PCDH11X: variants seen among roughly 807,000 people sequenced by gnomAD.
PCDH11X encodes the protein protocadherin-11 X-linked.
A neutral mutation model predicts 53.3 loss-of-function variants in PCDH11X; 18 were observed. The observed-to-expected ratio is 0.34, with a 90% CI of 0.23 to 0.50. The LOEUF (loss-of-function observed/expected upper bound fraction) is 0.50. Among genes scored for constraint, PCDH11X ranks in the 20% least tolerant of loss-of-function variants. The pLI is 0.98. For synonymous variants in PCDH11X, 279 were observed against 393.3 expected, an observed-to-expected ratio of 0.71 and a Z score of 3.44; for missense variants, 570 against 1,032.4, an observed-to-expected ratio of 0.55 and a Z score of 6.14.
intron 1 of PCDH11X, among the ~76,000 whole-genome samples, chrX:91,801,834 A>G (rs1210286252): frequency 8.9e-6 from 1 of 112,270 alleles, no homozygotes; most frequent in Non-Finnish European, 1.9e-5. Flanking sequence ...AGATGACAGT[A>G]TATGTGAAAG....
At position 91,835,480 on chromosome X, in the gene PCDH11X, A is replaced by G. The variant is rs186251588; in HGVS notation, c.-25A>G. The G allele has an allele frequency of 4.8e-4, 579 of 1,208,925 alleles. 2 individuals carry two copies. In the African/African-American group the frequency reaches 8.9e-3, roughly 19 times the overall value. ...GGTCAGTGTTGTGCGGGTTAATACA[A>G]CAAACTGTAACAAGTGTACCTGGTA... On this transcript the variant is annotated 5_prime_UTR_variant, in exon 5 of 11. Transcript: ENST00000682573.
intron 10 of PCDH11X, among the ~76,000 whole-genome samples, chrX:92,595,083 A>G (rs1157187677): frequency 9.1e-6 from 1 of 110,343 alleles, no homozygotes; most frequent in African/African-American, 3.3e-5. Context: ...AAAATTGGAG[A>G]CACTGGTTAT....
At chrX:92,061,316 G>A (rs751695395) in intron 6 of PCDH11X, among the ~76,000 whole-genome samples, 17 of 111,848 alleles carry the variant, frequency 1.5e-4, no homozygotes, top group Non-Finnish European at 2.4e-4. Flanking sequence ...TTTTTGCTGT[G>A]TAGGAGTTCT....
intron 6 of PCDH11X, among the ~76,000 whole-genome samples, chrX:92,086,903 G>A (rs975733941): frequency 9.2e-6 from 1 of 108,946 alleles, no homozygotes; most frequent in Non-Finnish European, 1.9e-5. Flanking sequence ...TAAGCAAATT[G>A]CAATTGGAAG....
chrX:92,282,231 G>T (rs751367629), intron 8 of PCDH11X, among the ~76,000 whole-genome samples: 2 of 111,304 alleles, frequency 1.8e-5, no homozygotes, highest in South Asian at 7.4e-4. Flanking sequence ...GCTAATAAAT[G>T]ACTAAGTTAG....
chrX:92,225,700 A>AT, intron 7 of PCDH11X, among the ~76,000 whole-genome samples: 1 of 111,352 alleles, frequency 9.0e-6, no homozygotes, highest in South Asian at 3.7e-4. Flanking sequence ...TAAGAAAATA[A>AT]ATAAAGCACA....
At chrX:91,780,399 A>AT (rs1161694403) in intron 1 of PCDH11X, among the ~76,000 whole-genome samples, 1 of 112,252 alleles carries the variant, frequency 8.9e-6, no homozygotes, top group Non-Finnish European at 1.9e-5. Flanking sequence ...AATACTGCCT[A>AT]TTTTTTAAAA....
At chrX:92,134,664 C>T (rs1356978446) in intron 6 of PCDH11X, among the ~76,000 whole-genome samples, 3 of 110,910 alleles carry the variant, frequency 2.7e-5, no homozygotes, top group Non-Finnish European at 5.7e-5. Context: ...ACTCCATAGA[C>T]ATTTTTATGG....
chrX:91,903,688 T>TGTGTGC (rs1282040534), intron 6 of PCDH11X, among the ~76,000 whole-genome samples: 2 of 107,694 alleles, frequency 1.9e-5, no homozygotes, highest in East Asian at 5.8e-4. Flanking sequence ...TGTGTGTGTG[T>TGTGTGC]GCGTGTATAA....
rs771737317 is a variant in PCDH11X, at chrX:92,227,623, A to G, written c.3114+26168A>G. The stretch of plus-strand genomic sequence containing the variant: ...TTTACAAAATGTTATCTACAATTCA[A>G]TTTGTTATATTTCTGTGTTTCTATT... On this transcript the variant is annotated intron_variant, in intron 7 of 10. Transcript: ENST00000682573. Among the ~76,000 whole-genome samples, 17 of 111,430 alleles carry G rather than the reference A, an allele frequency of 1.5e-4. 1 individual carries two copies. Among genetic ancestry groups the G allele is most frequent in the Middle Eastern group, 9.3e-3 (2 of 216 alleles).
At position 92,488,771 on chromosome X, in the gene PCDH11X, C is replaced by T. The variant is rs199989050; in HGVS notation, c.3367+20449C>T. 4.2e-3 allele frequency among the ~76,000 whole-genome samples: 370 copies of T among 88,731 alleles called. 7 individuals carry two copies. In the South Asian group the frequency reaches 0.057, roughly 14 times the overall value. 77.1% of individuals were successfully genotyped at this position (88,731 alleles called of 115,157 possible). A position where few individuals can be genotyped will look rare whatever the true frequency, so the allele number is the denominator to read the frequency against. ...TTGCCAAGGAGAGGCATATACCATG[C>T]AAATTCTGATCTGAGGGAATTTCAA... On this transcript the variant is annotated intron_variant, in intron 10 of 10. Transcript: ENST00000682573.
intron 9 of PCDH11X, among the ~76,000 whole-genome samples, chrX:92,407,772 C>G (rs2071553368): frequency 9.0e-6 from 1 of 111,130 alleles, no homozygotes; most frequent in African/African-American, 3.3e-5. Context: ...GTTAAGCTGC[C>G]TGACAAAAAG....
chrX:92,269,187 A>T (rs1228851932), intron 8 of PCDH11X, among the ~76,000 whole-genome samples: 2 of 111,218 alleles, frequency 1.8e-5, no homozygotes, highest in Non-Finnish European at 3.8e-5. Flanking sequence ...ACTTGATAAA[A>T]TTCCTTCCCG....
At chrX:92,509,829 T>C (rs1229209900) in intron 10 of PCDH11X, among the ~76,000 whole-genome samples, 1 of 111,889 alleles carries the variant, frequency 8.9e-6, no homozygotes, top group Admixed American at 9.5e-5. Context: ...TCTGTGCAAC[T>C]TATAAAATTA....
chrX:92,314,430 A>C (rs1313695124), intron 8 of PCDH11X, among the ~76,000 whole-genome samples: 2 of 111,566 alleles, frequency 1.8e-5, no homozygotes, highest in Non-Finnish European at 3.8e-5. Flanking sequence ...CTCTTCTACA[A>C]CTAATTTCTT....
chrX:92,334,170 CTATTT>C (rs747543653), intron 8 of PCDH11X, among the ~76,000 whole-genome samples: 1 of 111,719 alleles, frequency 9.0e-6, no homozygotes, highest in South Asian at 3.7e-4. Flanking sequence ...AGACACTAGT[CTATTT>C]TATCATTTAC....
intron 7 of PCDH11X, among the ~76,000 whole-genome samples, chrX:92,219,460 G>T (rs1306159264): frequency 1.8e-5 from 2 of 110,512 alleles, no homozygotes; most frequent in Non-Finnish European, 3.8e-5. Flanking sequence ...GCTTCAAAGA[G>T]AATAAAATAC....
At chrX:92,525,356 C>T (rs770753682) in intron 10 of PCDH11X, among the ~76,000 whole-genome samples, 93 of 111,556 alleles carry the variant, frequency 8.3e-4, no homozygotes, top group African/African-American at 2.9e-3. Flanking sequence ...GTTGGCTGGG[C>T]GCGGTGGCTC....
At chrX:92,607,337 G>T (rs1369434268) in intron 10 of PCDH11X, among the ~76,000 whole-genome samples, 3 of 110,296 alleles carry the variant, frequency 2.7e-5, no homozygotes, top group East Asian at 2.8e-4. Flanking sequence ...AATGAAATTC[G>T]AAAGCATTAT....
Sources: gnomAD v4.1 joint callset for allele counts (sites outside exome capture counted in the v4.1 genomes callset) on GRCh38, gnomAD v4.1.1 for gene constraint, MANE v1.5 for transcripts, NCBI Gene and HGNC (gene_info 2026-07-23, HGNC 2026-07-21) for gene names.